SIRPA: variants seen among roughly 807,000 people sequenced by gnomAD.
The protein encoded by SIRPA is signal regulatory protein alpha.
SIRPA carries 9 observed loss-of-function variants against 50.3 expected under a neutral mutation model. That is an observed-to-expected ratio of 0.18 (90% CI 0.11 to 0.31). SIRPA has a LOEUF of 0.31. SIRPA is among the 10% of genes least tolerant of loss of function. SIRPA has a pLI of 1.00. For synonymous variants in SIRPA, 265 were observed against 284.1 expected (o/e 0.93, Z 0.68); for missense variants, 474 against 661.6 (o/e 0.72, Z 3.11).
intron 1 of SIRPA, among the ~76,000 whole-genome samples, chr20:1,914,058 C>G (rs2123082860): frequency 6.6e-6 from 1 of 152,322 alleles, no homozygotes; most frequent in Middle Eastern, 3.4e-3. Flanking sequence ...GCCTGGATCA[C>G]AGGGCATCAG....
chr20:1,912,429 C>T (rs1276931948), intron 1 of SIRPA, among the ~76,000 whole-genome samples: 1 of 152,346 alleles, frequency 6.6e-6, no homozygotes, highest in African/African-American at 2.4e-5. Context: ...GAGATTTGCC[C>T]AGGGTCATGG....
intron 6 of SIRPA, among the ~76,000 whole-genome samples, chr20:1,931,769 G>A (rs1433609352): frequency 6.6e-6 from 1 of 152,150 alleles, no homozygotes; most frequent in African/African-American, 2.4e-5. Flanking sequence ...AACTCCCTGG[G>A]TTAGGAATGT....
At chr20:1,917,605 A>G (rs1985380380) in intron 2 of SIRPA, among the ~76,000 whole-genome samples, 1 of 152,212 alleles carries the variant, frequency 6.6e-6, no homozygotes, top group African/African-American at 2.4e-5. Context: ...AAGGTCCTGC[A>G]GATGTCTCAT....
chr20:1,929,817 G>A (rs1051896936), intron 6 of SIRPA, among the ~76,000 whole-genome samples: 10 of 152,134 alleles, frequency 6.6e-5, no homozygotes, highest in South Asian at 2.1e-4. Flanking sequence ...GGCAAGACTC[G>A]TTTATATCCT....
rs1986799926 is a variant in SIRPA at position 1,940,398 on chromosome 20, T to G, written c.*2830T>G. ...TCGGACACCCGGCTCACCCTCCTCCTGGGGCCTCACTTTCCTTCCCCACCA... is the reference window on the plus strand; with the variant it reads ...TCGGACACCCGGCTCACCCTCCTCCGGGGGCCTCACTTTCCTTCCCCACCA... On this transcript the variant is annotated 3_prime_UTR_variant, in exon 8 of 8. Coordinates refer to ENST00000358771, the MANE Select transcript of SIRPA (RefSeq NM_001040023.2). 6.6e-6 allele frequency: 1 copy of G among 152,432 alleles called. No homozygotes were observed. Among genetic ancestry groups the G allele is most frequent in the Non-Finnish European group, 1.5e-5 (1 of 68,118 alleles). The allele number at this position is 152,432 out of a possible 1,614,324, so 9.4% of individuals were successfully genotyped here. A position where few individuals can be genotyped will look rare whatever the true frequency, so the allele number is the denominator to read the frequency against.
intron 6 of SIRPA, among the ~76,000 whole-genome samples, chr20:1,931,160 AAC>A (rs1229085149): frequency 1.3e-5 from 2 of 152,154 alleles, no homozygotes; most frequent in African/African-American, 4.8e-5. Context: ...GACTTGTTAA[AAC>A]ACAGATTACT....
chr20:1,896,849 C>G (rs1475052097), intron 1 of SIRPA, among the ~76,000 whole-genome samples: 2 of 134,798 alleles, frequency 1.5e-5, no homozygotes, highest in Non-Finnish European at 3.1e-5. Context: ...AGCACTGATA[C>G]AGTTCACGTC....
Position 1,934,309 on chromosome 20 carries a change from C to CA in SIRPA, c.1227-398dup, listed in dbSNP as rs967915111. Among the ~76,000 whole-genome samples, 3 of 151,812 alleles carry CA rather than the reference C, an allele frequency of 2.0e-5. No individual in the cohort carries two copies. The highest frequency in any genetic ancestry group is 6.6e-5 in the Admixed American group (1 of 15,248). The stretch of plus-strand genomic sequence containing the variant: ...GCTTTTTCTATATTTTGAATTCCCC[C>CA]AAAAAAAAGTGCAATTATGAGTCAA... On this transcript the variant is annotated intron_variant, in intron 6 of 7. Transcript: ENST00000358771. The surrounding 1 kb of genome is among the most constrained non-coding windows in gnomAD (Gnocchi z 4.6).
chr20:1,914,569 G>C (rs1352221031), intron 1 of SIRPA, among the ~76,000 whole-genome samples: 1 of 125,040 alleles, frequency 8.0e-6, no homozygotes, highest in Non-Finnish European at 1.7e-5. Context: ...GGATATTCTT[G>C]GTTACCTGAG....
intron 4 of SIRPA, among the ~76,000 whole-genome samples, chr20:1,923,534 C>A (rs1985789013): frequency 6.6e-6 from 1 of 152,146 alleles, no homozygotes; most frequent in Admixed American, 6.5e-5. Flanking sequence ...GGGCATCGGC[C>A]AATGCTGGGT....
intron 5 of SIRPA, among the ~76,000 whole-genome samples, chr20:1,925,274 G>A (rs931055777): frequency 6.6e-6 from 1 of 152,226 alleles, no homozygotes; most frequent in Non-Finnish European, 1.5e-5. Flanking sequence ...CCCTGGACAG[G>A]AGGCCAGAGG....
At chr20:1,907,228 C>G (rs1372487288) in intron 1 of SIRPA, among the ~76,000 whole-genome samples, 1 of 152,202 alleles carries the variant, frequency 6.6e-6, no homozygotes, top group Non-Finnish European at 1.5e-5. Flanking sequence ...CAGCTGTCAG[C>G]TTATTTACCA....
intron 2 of SIRPA, among the ~76,000 whole-genome samples, chr20:1,918,880 C>T (rs1985473749): frequency 6.6e-6 from 1 of 152,108 alleles, no homozygotes; most frequent in Non-Finnish European, 1.5e-5. Flanking sequence ...GGCCAGAGTC[C>T]AACTGCCTGG....
rs1046060794 is a variant in SIRPA at position 1,901,159 on chromosome 20, CTTTCTTTTTTTTT to C, written c.79+5637_79+5649del. Among the ~76,000 whole-genome samples the C allele has an allele frequency of 6.2e-5, 8 of 129,828 alleles. No homozygotes were observed. The East Asian group carries it at 1.5e-3, about 25-fold the overall frequency. The allele number at this position is 129,828 out of a possible 152,430, so 85.2% of individuals were successfully genotyped here. On this transcript the variant is annotated intron_variant, in intron 1 of 7. Coordinates refer to ENST00000358771, the MANE Select transcript of SIRPA (RefSeq NM_001040023.2). ...GTTTTTGTTTTTTCTTCCTTTCTTT[CTTTCTTTTTTTTT>C]TTTTTTTTTTTTTTTTGAGACGGAG...
chr20:1,919,636 G>T (rs943563990), intron 2 of SIRPA, among the ~76,000 whole-genome samples: 12 of 152,018 alleles, frequency 7.9e-5, no homozygotes, highest in African/African-American at 2.9e-4. Context: ...CTTCCAATTC[G>T]GCCCCAGAAC....
At chr20:1,920,527 C>A (rs1316962277) in intron 2 of SIRPA, among the ~76,000 whole-genome samples, 2 of 152,126 alleles carry the variant, frequency 1.3e-5, no homozygotes, top group African/African-American at 4.8e-5. Context: ...CCTGCTTGGG[C>A]GCCCTGTGTC....
At position 1,939,240 on chromosome 20, in the gene SIRPA, C is replaced by T. The variant is rs1003064488; in HGVS notation, c.*1672C>T. The T allele has an allele frequency of 6.6e-6, 1 of 152,226 alleles. No individual in the cohort carries two copies. Among genetic ancestry groups the T allele is most frequent in the Admixed American group, 6.5e-5 (1 of 15,282 alleles). 9.4% of individuals were successfully genotyped at this position (152,226 alleles called of 1,614,324 possible). On this transcript the variant is annotated 3_prime_UTR_variant, in exon 8 of 8. Transcript: ENST00000358771. This position sits in a 1 kb window ranked among gnomAD's most constrained non-coding sequence, Gnocchi z 4.7. The stretch of plus-strand genomic sequence containing the variant: ...TCATGACTCCTGGCCTTGGGATGCC[C>T]AAGGGATTTCTGGCTCAGGCTGTAA...
chr20:1,931,470 C>T (rs1003843672), intron 6 of SIRPA, among the ~76,000 whole-genome samples: 4 of 152,162 alleles, frequency 2.6e-5, no homozygotes, highest in African/African-American at 9.7e-5. Context: ...AGAAACCAAC[C>T]GTTTTCTGCC....
chr20:1,937,757 G>A lies in SIRPA; in HGVS notation c.*189G>A. ...CTCCAGCACTTCCTGGGCAGCCACG[G>A]CCCCCTCCCCCCACATTGCCACATA... On this transcript the variant is annotated 3_prime_UTR_variant, in exon 8 of 8. Transcript: ENST00000358771. This position sits in a 1 kb window ranked among gnomAD's most constrained non-coding sequence, Gnocchi z 8.3. 1 of 697,790 alleles carries A rather than the reference G, an allele frequency of 1.4e-6. No homozygotes were observed. The highest frequency in any genetic ancestry group is 2.3e-6 in the Non-Finnish European group (1 of 430,924). The allele number at this position is 697,790 out of a possible 1,614,324, so 43.2% of individuals were successfully genotyped here. A position where few individuals can be genotyped will look rare whatever the true frequency, so the allele number is the denominator to read the frequency against.
Sources: allele counts gnomAD v4.1 joint callset (sites outside exome capture counted in the v4.1 genomes callset), GRCh38; gene constraint gnomAD v4.1.1; non-coding constraint Gnocchi (gnomAD v3.1); transcripts MANE v1.5; gene names NCBI Gene and HGNC (gene_info 2026-07-23, HGNC 2026-07-21).